SLC9A2: variants seen among roughly 807,000 people sequenced by gnomAD.
SLC9A2 encodes solute carrier family 9 member A2, also known as sodium/hydrogen exchanger 2.
Under a neutral mutation model 71.7 loss-of-function variants are expected in SLC9A2, and 42 were observed. That is an observed-to-expected ratio of 0.59 (90% CI 0.46 to 0.76). SLC9A2 has a LOEUF of 0.76. SLC9A2 is among the 30% of genes least tolerant of loss of function. SLC9A2 has a pLI of 0.00. For missense variants in SLC9A2, 829 were observed against 1,017.4 expected, an observed-to-expected ratio of 0.81 and a Z score of 2.52; for synonymous variants, 396 against 392.5, an observed-to-expected ratio of 1.01 and a Z score of -0.10.
Position 102,620,090 on chromosome 2 carries a change from C to T in SLC9A2, c.242C>T (p.Pro81Leu), listed in dbSNP as rs770025853. The T allele has an allele frequency of 6.2e-7, 1 of 1,613,506 alleles. No homozygotes were observed. The highest frequency in any genetic ancestry group is 2.2e-5 in the East Asian group (1 of 44,808). The change falls in exon 1 of 12, where the codon CCC (proline) becomes CTC (leucine). Residue 81 changes from proline to leucine, a missense_variant. Around this residue, in one of 3 missense-constraint regions of SLC9A2, gnomAD observed 500 missense variants for 726.3 expected, o/e 0.69. Transcript: ENST00000233969. The part of the protein sequence containing the change: ...FTLDYPHVQI[P>L]FEITLWILLA... ...CTGGATTACCCCCACGTGCAGATCC[C>T]CTTCGAGATCACCCTTTGGATCCTG...
Position 102,654,195 on chromosome 2 carries a change from C to CTTTTTT in SLC9A2, c.290-3351_290-3346dup, listed in dbSNP as rs34248413. ...CTGGCGATGCTGCTGTTGGCTGACT[C>CTTTTTT]TTTTTTTTTTTTTTTTTTTTTTTGA... On this transcript the variant is annotated intron_variant, in intron 1 of 11. Transcript: ENST00000233969. Among the ~76,000 whole-genome samples the CTTTTTT allele has an allele frequency of 1.4e-3, 121 of 89,536 alleles. 3 individuals are homozygous for CTTTTTT. Among genetic ancestry groups the CTTTTTT allele is most frequent in the African/African-American group, 5.1e-3 (108 of 21,186 alleles). 58.7% of individuals were successfully genotyped at this position (89,536 alleles called of 152,430 possible).
intron 1 of SLC9A2, among the ~76,000 whole-genome samples, chr2:102,638,331 G>T (rs1041979998): frequency 3.3e-5 from 5 of 152,190 alleles, no homozygotes; most frequent in African/African-American, 1.2e-4. Flanking sequence ...TGATCAAAAT[G>T]AGTATTATTC....
intron 1 of SLC9A2, among the ~76,000 whole-genome samples, chr2:102,646,853 A>G (rs1676734576): frequency 6.6e-6 from 1 of 151,074 alleles, no homozygotes; most frequent in Non-Finnish European, 1.5e-5. Flanking sequence ...AGAGACTTAG[A>G]CTCCCATACA....
intron 1 of SLC9A2, among the ~76,000 whole-genome samples, chr2:102,640,291 A>T (rs78159220): frequency 0.032 from 4,896 of 152,158 alleles, 271 homozygotes; most frequent in African/African-American, 0.11. Context: ...CAATTCTCCA[A>T]CTCTCCAGAC....
intron 3 of SLC9A2, among the ~76,000 whole-genome samples, chr2:102,672,778 G>T (rs1395123223): frequency 6.6e-6 from 1 of 151,878 alleles, no homozygotes; most frequent in Admixed American, 6.6e-5. Context: ...AGATTCCCTG[G>T]GTTGAGATAA....
intron 2 of SLC9A2, among the ~76,000 whole-genome samples, chr2:102,663,663 A>G (rs1316370643): frequency 6.6e-6 from 1 of 152,210 alleles, no homozygotes; most frequent in African/African-American, 2.4e-5. Flanking sequence ...CCTTGAACAA[A>G]TGGGATCAGT....
In SLC9A2 at chr2:102,630,520, G is replaced by A. The variant is rs183485992; in HGVS notation, c.289+10383G>A. ...TTTTGATATTCTGCTATTTTTTAAC[G>A]TGTCTAAGTATAGATTTACTTTATT... is the stretch of plus-strand genomic sequence containing the variant. On this transcript the variant is annotated intron_variant, in intron 1 of 11. Coordinates refer to ENST00000233969, the MANE Select transcript of SLC9A2 (RefSeq NM_003048.6). Among the ~76,000 whole-genome samples the A allele has an allele frequency of 3.4e-4, 52 of 151,832 alleles. 1 individual carries two copies. In the East Asian group the frequency reaches 7.3e-3, roughly 21 times the overall value.
chr2:102,650,065 C>T (rs554411136), intron 1 of SLC9A2, among the ~76,000 whole-genome samples: 1 of 152,302 alleles, frequency 6.6e-6, no homozygotes, highest in African/African-American at 2.4e-5. Flanking sequence ...AGACTTCCAA[C>T]CAACCAAAAT....
intron 3 of SLC9A2, among the ~76,000 whole-genome samples, chr2:102,666,194 CTT>C (rs1266703500): frequency 2.3e-4 from 27 of 119,388 alleles, no homozygotes; most frequent in Admixed American, 4.1e-4. Flanking sequence ...TCCAGTTTAG[CTT>C]TTTTTTTTTT....
At chr2:102,699,458 T>C (rs925306237) in intron 7 of SLC9A2, among the ~76,000 whole-genome samples, 1 of 152,124 alleles carries the variant, frequency 6.6e-6, no homozygotes, top group African/African-American at 2.4e-5. Context: ...AGACATATTT[T>C]TAACGGGAGC....
At chr2:102,629,373 G>C (rs774504124) in intron 1 of SLC9A2, among the ~76,000 whole-genome samples, 2 of 151,934 alleles carry the variant, frequency 1.3e-5, no homozygotes, top group Non-Finnish European at 2.9e-5. Context: ...TTTTGCGCAT[G>C]TACTTTTTTT....
chr2:102,702,436 C>A lies in SLC9A2; in HGVS notation c.1779C>A (p.Val593=). The A allele has an allele frequency of 6.3e-7, 1 of 1,599,970 alleles. No homozygotes were observed. The highest frequency in any genetic ancestry group is 1.1e-5 in the South Asian group (1 of 88,790). Residue 593 remains valine, a synonymous_variant, in exon 9 of 12, where the codon GTC becomes GTA. Transcript: ENST00000233969. The part of the protein sequence containing the change: ...NDCREEKIRK[V]TSSETDEIRE... ...GTCGTGAAGAAAAAATAAGGAAGGT[C>A]ACGTCCAGTGAAACTGATGAAATTC...
rs143338638 is a variant in SLC9A2, at chr2:102,704,449, A to C, written c.1846-95A>C. ...TTATAAGTGCTTAGCTGAGGTGCAG[A>C]TCCAAAGAAATGTGGTAAAGTCTTG... On this transcript the variant is annotated intron_variant, in intron 9 of 11. Coordinates refer to ENST00000233969, the MANE Select transcript of SLC9A2 (RefSeq NM_003048.6). 69 of 1,230,818 alleles carry C rather than the reference A, an allele frequency of 5.6e-5. No homozygotes were observed. The East Asian group carries it at 1.7e-3, about 31-fold the overall frequency. 76.2% of individuals were successfully genotyped at this position (1,230,818 alleles called of 1,614,324 possible). A position where few individuals can be genotyped will look rare whatever the true frequency, so the allele number is the denominator to read the frequency against.
chr2:102,624,345 A>T (rs1209547429), intron 1 of SLC9A2, among the ~76,000 whole-genome samples: 2 of 152,172 alleles, frequency 1.3e-5, no homozygotes, highest in Non-Finnish European at 2.9e-5. Flanking sequence ...TTATTTTTAT[A>T]GTTATAAGTA....
At chr2:102,704,393 T>G in intron 9 of SLC9A2, 151 bp from the exon 10 acceptor site, 1 of 536,336 alleles carries the variant, frequency 1.9e-6, no homozygotes, top group Non-Finnish European at 3.3e-6. Flanking sequence ...ACTTTTATAC[T>G]GTTAATTTAA....
intron 3 of SLC9A2, among the ~76,000 whole-genome samples, chr2:102,670,203 A>T (rs1487406997): frequency 1.3e-5 from 2 of 149,642 alleles, no homozygotes; most frequent in African/African-American, 2.5e-5. Flanking sequence ...TTTTTAGTAG[A>T]GATGGGATTT....
chr2:102,630,827 C>A (rs554443684), intron 1 of SLC9A2, among the ~76,000 whole-genome samples: 12 of 151,472 alleles, frequency 7.9e-5, no homozygotes, highest in Non-Finnish European at 1.6e-4. Context: ...TTTTATTATT[C>A]TTTTATTCCT....
chr2:102,656,808 A>C (rs1371494645), intron 1 of SLC9A2, among the ~76,000 whole-genome samples: 2 of 152,214 alleles, frequency 1.3e-5, no homozygotes, highest in Non-Finnish European at 2.9e-5. Context: ...TTAAATTTTT[A>C]CAAAGCATGA....
intron 1 of SLC9A2, among the ~76,000 whole-genome samples, chr2:102,655,303 G>A (rs1198714015): frequency 2.8e-5 from 4 of 144,430 alleles, no homozygotes; most frequent in Non-Finnish European, 6.0e-5. Flanking sequence ...ACAGGCACCC[G>A]CCACCACACC....
Sources: allele counts gnomAD v4.1 joint callset (sites outside exome capture counted in the v4.1 genomes callset), GRCh38; gene constraint gnomAD v4.1.1; regional missense constraint gnomAD v4.1.1; transcripts MANE v1.5; gene names NCBI Gene and HGNC (gene_info 2026-07-23, HGNC 2026-07-21).